Variants in LRTM1 observed in about 807,000 individuals in gnomAD.
The protein encoded by LRTM1 is leucine rich repeat transmembrane protein 1.
A neutral mutation model predicts 32.4 loss-of-function variants in LRTM1; 38 were observed. The observed-to-expected ratio is 1.17, with a 90% confidence interval of 0.91 to 1.54. LRTM1 has a LOEUF of 1.54. LRTM1 is among the 40% of genes most tolerant of loss of function. The probability of loss-of-function intolerance (pLI) is 0.00; values close to 1 mark genes in which losing one functional copy is unlikely to be tolerated. For missense variants in LRTM1, 466 were observed against 415.4 expected, an observed-to-expected ratio of 1.12 and a Z score of -1.06; for synonymous variants, 186 against 169.9, an observed-to-expected ratio of 1.09 and a Z score of -0.74.
At chr3:54,957,903 G>A (rs1343441347) in intron 1 of LRTM1, among the ~76,000 whole-genome samples, 2 of 152,172 alleles carry the variant, frequency 1.3e-5, no homozygotes, top group African/African-American at 4.8e-5. Context: ...TCCCTCCCCT[G>A]CTGAGAACCT....
chr3:54,945,740 T>A (rs1028735407), intron 1 of LRTM1, among the ~76,000 whole-genome samples: 10 of 152,188 alleles, frequency 6.6e-5, no homozygotes, highest in Non-Finnish European at 1.2e-4. Context: ...TAGGCAGCCT[T>A]GCTTTTTTCA....
chr3:54,922,046 T>C (rs1198166057), intron 2 of LRTM1, among the ~76,000 whole-genome samples: 1 of 152,210 alleles, frequency 6.6e-6, no homozygotes, highest in Non-Finnish European at 1.5e-5. Context: ...ATCCAGGTCT[T>C]ATTACCCCAA....
chr3:54,921,283 C>T lies in LRTM1; in HGVS notation c.605-2391G>A, dbSNP rs80176782. Among the ~76,000 whole-genome samples the T allele has an allele frequency of 5.1e-4, 78 of 152,260 alleles. No homozygotes were observed. The East Asian group carries it at 0.015, about 28-fold the overall frequency. ...AAACTCCCTTGACCACGTTGTGCCTCTGCTTGCTCATCTGGAAAGTGGGAG... is the reference window on the plus strand; with the variant it reads ...AAACTCCCTTGACCACGTTGTGCCTTTGCTTGCTCATCTGGAAAGTGGGAG... On this transcript the variant is annotated intron_variant, in intron 2 of 2. Coordinates refer to ENST00000273286, the MANE Select transcript of LRTM1 (RefSeq NM_020678.4).
chr3:54,955,353 G>C (rs1701861014), intron 1 of LRTM1, among the ~76,000 whole-genome samples: 2 of 152,082 alleles, frequency 1.3e-5, no homozygotes, highest in South Asian at 4.1e-4. Context: ...AAGTCTGTCT[G>C]GGCTGGTGAT....
intron 1 of LRTM1, among the ~76,000 whole-genome samples, chr3:54,936,781 T>TTC (rs1184866469): frequency 1.3e-5 from 2 of 152,212 alleles, no homozygotes; most frequent in African/African-American, 4.8e-5. Context: ...GCTTTCATCA[T>TTC]GAAGCATGAC....
chr3:54,918,834 G>A lies in LRTM1; in HGVS notation c.663C>T (p.Leu221=), dbSNP rs1449382395. ...GGTACAGCTCATGAGGGATCCTAAG[G>A]AGGTCCTTTCCCTTCCAGGTGTCTG... ...ESPDTWKGKD[L]LRIPHELYQP... Residue 221 remains leucine, a synonymous_variant, in exon 3 of 3, where the codon CTC becomes CTT. Coordinates refer to ENST00000273286, the MANE Select transcript of LRTM1 (RefSeq NM_020678.4). The A allele has an allele frequency of 6.3e-7, 1 of 1,596,400 alleles. No individual in the cohort carries two copies. The highest frequency in any genetic ancestry group is 1.7e-5 in the Admixed American group (1 of 58,762).
intron 1 of LRTM1, among the ~76,000 whole-genome samples, chr3:54,956,403 C>T (rs1294956690): frequency 6.6e-6 from 1 of 152,220 alleles, no homozygotes; most frequent in East Asian, 1.9e-4. Context: ...AGGCTATCCC[C>T]AGAATAATTA....
intron 1 of LRTM1, among the ~76,000 whole-genome samples, chr3:54,964,372 T>C (rs546055329): frequency 4.0e-4 from 60 of 151,886 alleles, no homozygotes; most frequent in African/African-American, 1.3e-3. Context: ...GATGATTTTC[T>C]GGACTGTCTA....
chr3:54,947,813 G>A (rs1701652619), intron 1 of LRTM1, among the ~76,000 whole-genome samples: 2 of 152,156 alleles, frequency 1.3e-5, no homozygotes, highest in South Asian at 4.1e-4. Context: ...AATGTTTGGG[G>A]ATGTGGGTCA....
At position 54,927,890 on chromosome 3, in the gene LRTM1, T is replaced by C. The variant is rs1701070818; in HGVS notation, c.7+15A>G. The C allele has an allele frequency of 4.3e-6, 7 of 1,613,560 alleles. No homozygotes were observed. The South Asian group carries it at 6.6e-5, about 15-fold the overall frequency. ...CAGACAAGAACTTTTCCAACGGGAA[T>C]TGATCAGGGCTCACCTTTCATGACT... On this transcript the variant is annotated intron_variant, in intron 1 of 2. Coordinates refer to ENST00000273286, the MANE Select transcript of LRTM1 (RefSeq NM_020678.4).
At chr3:54,952,150 A>G (rs1304654129) in intron 1 of LRTM1, among the ~76,000 whole-genome samples, 1 of 152,184 alleles carries the variant, frequency 6.6e-6, no homozygotes, top group African/African-American at 2.4e-5. Flanking sequence ...CTGGCTGGCC[A>G]GCTGTGTTTA....
At chr3:54,952,826 C>T (rs1701792632) in intron 1 of LRTM1, among the ~76,000 whole-genome samples, 1 of 152,108 alleles carries the variant, frequency 6.6e-6, no homozygotes, top group East Asian at 1.9e-4. Flanking sequence ...ATGAGGATTC[C>T]ACGTGCTCTT....
intron 1 of LRTM1, among the ~76,000 whole-genome samples, chr3:54,936,625 GGGTT>G (rs1701336350): frequency 6.6e-6 from 1 of 152,068 alleles, no homozygotes; most frequent in Admixed American, 6.6e-5. Flanking sequence ...ATCCCATATT[GGGTT>G]ACCTACTACA....
chr3:54,925,311 A>G (rs1700983558), intron 1 of LRTM1, 96 bp from the exon 2 acceptor site: 2 of 1,023,666 alleles, frequency 2.0e-6, no homozygotes, highest in African/African-American at 1.6e-5. Flanking sequence ...TGTGCTTTCC[A>G]GCCAGGTGAA....
chr3:54,936,428 A>G (rs1034944255), intron 1 of LRTM1, among the ~76,000 whole-genome samples: 3 of 152,160 alleles, frequency 2.0e-5, no homozygotes, highest in African/African-American at 7.2e-5. Context: ...GCTTGTCATC[A>G]AAGTCGCTCC....
upstream of LRTM1, among the ~76,000 whole-genome samples, chr3:54,930,737 C>T (rs975499258): frequency 4.6e-5 from 7 of 152,314 alleles, no homozygotes; most frequent in East Asian, 1.9e-4. Flanking sequence ...CCTACCTCGC[C>T]GGAGGCAGGG....
intron 1 of LRTM1, among the ~76,000 whole-genome samples, chr3:54,953,519 G>A (rs1211742861): frequency 2.6e-5 from 4 of 152,184 alleles, no homozygotes; most frequent in Non-Finnish European, 2.9e-5. Context: ...CATGCTGTGC[G>A]TAGAGGAAAA....
At chr3:54,939,693 C>T (rs1167360734) in intron 1 of LRTM1, among the ~76,000 whole-genome samples, 1 of 152,232 alleles carries the variant, frequency 6.6e-6, no homozygotes, top group Non-Finnish European at 1.5e-5. Flanking sequence ...GGCTGTTTCC[C>T]TATTCAGAAG....
rs761235798 is a variant in LRTM1 at position 54,925,161 on chromosome 3, C to T, written c.62G>A (p.Cys21Tyr). 1.2e-6 allele frequency: 2 copies of T among 1,613,976 alleles called. No individual in the cohort carries two copies. The highest frequency in any genetic ancestry group is 1.7e-5 in the Admixed American group (1 of 59,990). ...TGACTGACAGTAACACTTGTCCGGG[C>T]AGCTGCATACCACCTGGAGCAGGAC... is the stretch of plus-strand genomic sequence containing the variant. ...VIVLLQVVCS[C>Y]PDKCYCQSST... Residue 21 changes from cysteine (C) to tyrosine (Y), a missense_variant, in exon 2 of 3, where the codon TGC becomes TAC. By Grantham distance (194) the Cys-to-Tyr change is radical (BLOSUM62 -2). Coordinates refer to ENST00000273286, the MANE Select transcript of LRTM1 (RefSeq NM_020678.4).
Sources: gnomAD v4.1 joint callset for allele counts (sites outside exome capture counted in the v4.1 genomes callset) on GRCh38, gnomAD v4.1.1 for gene constraint, MANE v1.5 for transcripts, NCBI Gene and HGNC (gene_info 2026-07-23, HGNC 2026-07-21) for gene names.